Variants in ANKFY1 observed in about 807,000 individuals in gnomAD.
ANKFY1 encodes ankyrin repeat and FYVE domain-containing protein 1.
A neutral mutation model predicts 128.3 loss-of-function variants in ANKFY1; 47 were observed. The observed-to-expected ratio is 0.37, with a 90% CI of 0.29 to 0.47. ANKFY1 has a LOEUF of 0.47. ANKFY1 is among the 20% of genes least tolerant of loss of function. The pLI is 1.00. For missense variants in ANKFY1, 1,222 were observed against 1,510.6 expected, an observed-to-expected ratio of 0.81 and a Z score of 3.17; for synonymous variants, 553 against 601.6, an observed-to-expected ratio of 0.92 and a Z score of 1.18.
intron 21 of ANKFY1, 30 bp from the exon 22 acceptor site, chr17:4,172,710 T>C (rs114884685): frequency 2.5e-6 from 4 of 1,612,440 alleles, no homozygotes; most frequent in Admixed American, 1.7e-5. Context: ...AAGTTAGGAA[T>C]GTATCTGCCA....
At chr17:4,192,876 ATAAAAAT>A (rs2059743278) in intron 10 of ANKFY1, among the ~76,000 whole-genome samples, 1 of 152,214 alleles carries the variant, frequency 6.6e-6, no homozygotes, top group African/African-American at 2.4e-5. Flanking sequence ...AATTAAAAAA[ATAAAAAT>A]TAAAAATTAA....
At chr17:4,202,056 G>A (rs2059937023) in intron 7 of ANKFY1, among the ~76,000 whole-genome samples, 1 of 152,096 alleles carries the variant, frequency 6.6e-6, no homozygotes, top group Non-Finnish European at 1.5e-5. Flanking sequence ...AGGGGAGAAG[G>A]GTTAATGTAG....
At chr17:4,222,291 T>C (rs2143098612) in intron 3 of ANKFY1, 1 of 671,852 alleles carries the variant, frequency 1.5e-6, no homozygotes, top group South Asian at 1.5e-5. Flanking sequence ...TGAGTGAGGA[T>C]GAGGTGCACC....
intron 3 of ANKFY1, chr17:4,222,364 C>G (rs1259756803): frequency 2.6e-6 from 2 of 775,460 alleles, no homozygotes; most frequent in Non-Finnish European, 4.8e-6. Flanking sequence ...TCACTACGCT[C>G]TGTCCTTTAA....
chr17:4,255,311 A>C (rs1968060621), intron 1 of ANKFY1, among the ~76,000 whole-genome samples: 1 of 131,698 alleles, frequency 7.6e-6, no homozygotes, highest in Non-Finnish European at 1.5e-5. Flanking sequence ...CAATGGTGTG[A>C]TCTTGGCTCA....
rs2059176351 is a variant in ANKFY1, at chr17:4,164,455, C to CT, written c.*3323dup. The CT allele has an allele frequency of 1.3e-5, 2 of 152,580 alleles. No individual in the cohort carries two copies. Among genetic ancestry groups the CT allele is most frequent in the South Asian group, 4.1e-4 (2 of 4,834 alleles). The allele number at this position is 152,580 out of a possible 1,614,324, so 9.5% of individuals were successfully genotyped here. A position where few individuals can be genotyped will look rare whatever the true frequency, so the allele number is the denominator to read the frequency against. ...GGTGAGTTGGTGCCACCTGCTTCCT[C>CT]TGCCACCAGGCTGGGGTGGGGAGCT... On this transcript the variant is annotated 3_prime_UTR_variant, in exon 25 of 25. Coordinates refer to ENST00000341657, the MANE Select transcript of ANKFY1 (RefSeq NM_001330063.2).
At chr17:4,241,420 C>A (rs1967215389) in intron 2 of ANKFY1, among the ~76,000 whole-genome samples, 1 of 151,838 alleles carries the variant, frequency 6.6e-6, no homozygotes, top group Admixed American at 6.6e-5. Flanking sequence ...GCTGGGACTA[C>A]AGGTGCCCAC....
At chr17:4,196,144 T>TACACACAC (rs35005172) in intron 8 of ANKFY1, among the ~76,000 whole-genome samples, 5 of 83,912 alleles carry the variant, frequency 6.0e-5, no homozygotes, top group African/African-American at 1.5e-4. Context: ...CTGCATCTAC[T>TACACACAC]ACACACACAC....
rs1417820035 is a variant in ANKFY1, at chr17:4,178,732, A to C, written c.2598+125T>G. ...CATCTCAACAGCCACATCTTAGGAC[A>C]GGAGTACAACTTCAAAACAAAGCTC... On this transcript the variant is annotated intron_variant, in intron 18 of 24. Transcript: ENST00000341657. This position sits in a 1 kb window ranked among gnomAD's most constrained non-coding sequence, Gnocchi z 4.1. 1 of 915,702 alleles carries C rather than the reference A, an allele frequency of 1.1e-6. No individual in the cohort carries two copies. Among genetic ancestry groups the C allele is most frequent in the Non-Finnish European group, 1.7e-6 (1 of 587,550 alleles). The allele number at this position is 915,702 out of a possible 1,614,324, so 56.7% of individuals were successfully genotyped here. A position where few individuals can be genotyped will look rare whatever the true frequency, so the allele number is the denominator to read the frequency against.
chr17:4,180,637 G>A (rs956490461), intron 16 of ANKFY1, among the ~76,000 whole-genome samples: 5 of 150,038 alleles, frequency 3.3e-5, no homozygotes, highest in African/African-American at 7.4e-5. Flanking sequence ...CGTGGAGGCG[G>A]GCGCCTGTAG....
intron 1 of ANKFY1, among the ~76,000 whole-genome samples, chr17:4,255,243 CTTTTTTT>C (rs1177087196): frequency 1.0e-4 from 12 of 119,898 alleles, no homozygotes; most frequent in Non-Finnish European, 1.9e-4. Flanking sequence ...TCATGTAATT[CTTTTTTT>C]TTTTTTTTTT....
In ANKFY1 at chr17:4,263,853, C is replaced by T. The variant is rs1968561192; in HGVS notation, c.10+79G>A. 6 of 1,612,536 alleles carry T rather than the reference C, an allele frequency of 3.7e-6. 1 individual carries two copies. Among genetic ancestry groups the T allele is most frequent in the South Asian group, 3.3e-5 (3 of 91,018 alleles). On this transcript the variant is annotated intron_variant, in intron 1 of 24. Transcript: ENST00000341657. ...CCATGCAACCACGCCCGGCCTTCCC[C>T]TCCCACGGCAGCTTCGCACGGCCAG...
rs144912127 is a variant in ANKFY1, at chr17:4,189,828, A to G, written c.1373-349T>C. 1.1e-4 allele frequency among the ~76,000 whole-genome samples: 17 copies of G among 152,350 alleles called. No homozygotes were observed. The East Asian group carries it at 2.9e-3, about 26-fold the overall frequency. On this transcript the variant is annotated intron_variant, in intron 10 of 24. Transcript: ENST00000341657. ...GACAGTAGGTATCATTTAAGTCCACATAGGTACTCTCTGTATGTGGACACA... is the reference window on the plus strand; with the variant it reads ...GACAGTAGGTATCATTTAAGTCCACGTAGGTACTCTCTGTATGTGGACACA...
chr17:4,168,134 CTT>C (rs10684185), intron 24 of ANKFY1: 3,143 of 221,094 alleles, frequency 0.014, no homozygotes, highest in South Asian at 0.027. Context: ...CTGAAGAAGG[CTT>C]TTTTTTTTTT....
intron 1 of ANKFY1, among the ~76,000 whole-genome samples, chr17:4,243,773 T>C (rs1002463561): frequency 3.3e-5 from 5 of 152,190 alleles, no homozygotes; most frequent in Non-Finnish European, 5.9e-5. Context: ...GCAGGTGCGC[T>C]GGGGCAGGTT....
chr17:4,178,648 G>C lies in ANKFY1; in HGVS notation c.2598+209C>G. 1.7e-6 allele frequency: 1 copy of C among 590,770 alleles called. No individual in the cohort carries two copies. 36.6% of individuals were successfully genotyped at this position (590,770 alleles called of 1,614,324 possible). ...CTGCCTCCGCTTCCATCGAAGCCGG[G>C]CACTGTCAGGCGCTGACACACAGGC... On this transcript the variant is annotated intron_variant, in intron 18 of 24. Transcript: ENST00000341657. This position sits in a 1 kb window ranked among gnomAD's most constrained non-coding sequence, Gnocchi z 4.1.
intron 5 of ANKFY1, 58 bp from the exon 6 acceptor site, chr17:4,208,140 C>T: frequency 2.0e-6 from 3 of 1,516,196 alleles, no homozygotes; most frequent in Non-Finnish European, 2.7e-6. Flanking sequence ...AATCCAACCA[C>T]CATTTAGCAA....
intron 12 of ANKFY1, among the ~76,000 whole-genome samples, chr17:4,184,191 AAAC>A (rs1252740560): frequency 6.6e-6 from 1 of 152,200 alleles, no homozygotes; most frequent in African/African-American, 2.4e-5. Flanking sequence ...AAAAAGACTA[AAAC>A]AACGCCCTGA....
chr17:4,262,878 T>G (rs1467912076), intron 1 of ANKFY1, among the ~76,000 whole-genome samples: 1 of 152,140 alleles, frequency 6.6e-6, no homozygotes, highest in Non-Finnish European at 1.5e-5. Flanking sequence ...ATCTGAAGTC[T>G]AATGCAAATG....
Sources: allele counts gnomAD v4.1 joint callset (sites outside exome capture counted in the v4.1 genomes callset), GRCh38; gene constraint gnomAD v4.1.1; non-coding constraint Gnocchi (gnomAD v3.1); transcripts MANE v1.5; gene names NCBI Gene and HGNC (gene_info 2026-07-23, HGNC 2026-07-21).